Variants in RTN3 observed in about 807,000 individuals in gnomAD.
The protein encoded by RTN3 is reticulon-3.
Under a neutral mutation model 77.8 loss-of-function variants are expected in RTN3, and 49 were observed. The ratio of observed to expected loss-of-function variants is 0.63; its 90% confidence interval spans 0.50 to 0.80. The LOEUF is 0.80. Ranked by LOEUF, RTN3 falls within the 30% of genes least tolerant of loss-of-function variation. The pLI is 0.00. For missense variants in RTN3, 1,236 were observed against 1,211.9 expected, an observed-to-expected ratio of 1.02 and a Z score of -0.29; for synonymous variants, 464 against 446.9, an observed-to-expected ratio of 1.04 and a Z score of -0.48.
At chr11:63,690,952 C>T (rs935430591) in intron 1 of RTN3, among the ~76,000 whole-genome samples, 2 of 152,096 alleles carry the variant, frequency 1.3e-5, no homozygotes, top group African/African-American at 4.8e-5. Context: ...GTACAGCTAT[C>T]TCCACTATCT....
Position 63,749,977 on chromosome 11 carries a change from T to A in RTN3, c.2531-14T>A, listed in dbSNP as rs761418863. On this transcript the variant is annotated splice_polypyrimidine_tract_variant and intron_variant, in intron 3 of 8. Coordinates refer to ENST00000377819, the MANE Select transcript of RTN3 (RefSeq NM_001265589.2). ...GATGTTTCTTATAACTTATATTCCCTTTTCTTTTGTCAGTGCACGATCTGA... is the reference window on the plus strand; with the variant it reads ...GATGTTTCTTATAACTTATATTCCCATTTCTTTTGTCAGTGCACGATCTGA... 1.9e-6 allele frequency: 3 copies of A among 1,601,530 alleles called. No homozygotes were observed. The South Asian group carries it at 3.3e-5, about 18-fold the overall frequency.
chr11:63,696,792 C>G (rs1941967149), intron 1 of RTN3, among the ~76,000 whole-genome samples: 1 of 151,428 alleles, frequency 6.6e-6, no homozygotes, highest in Non-Finnish European at 1.5e-5. Flanking sequence ...GGTGATCCAC[C>G]CTCCTTGGCC....
intron 5 of RTN3, 94 bp downstream of exon 5, chr11:63,752,739 C>A: frequency 7.7e-7 from 1 of 1,306,938 alleles, no homozygotes; most frequent in East Asian, 2.3e-5. Context: ...TTTTATCAGA[C>A]AAAAATGAAC....
At chr11:63,732,284 A>AG (rs2012747327) in intron 3 of RTN3, among the ~76,000 whole-genome samples, 1 of 152,162 alleles carries the variant, frequency 6.6e-6, no homozygotes, top group African/African-American at 2.4e-5. Context: ...TCAGCCAAGT[A>AG]GCTAGGACTA....
chr11:63,712,840 A>G (rs986705587), intron 2 of RTN3, among the ~76,000 whole-genome samples: 8 of 152,182 alleles, frequency 5.3e-5, no homozygotes, highest in African/African-American at 1.9e-4. Context: ...TCACACTTGT[A>G]ATCCCAGCAC....
chr11:63,686,480 A>C (rs1314510082), intron 1 of RTN3, among the ~76,000 whole-genome samples: 5 of 151,506 alleles, frequency 3.3e-5, no homozygotes, highest in Admixed American at 3.3e-4. Flanking sequence ...CAAAAAAAAA[A>C]AAAAAAAAAA....
chr11:63,686,144 A>G (rs138321650), intron 1 of RTN3, among the ~76,000 whole-genome samples: 275 of 152,296 alleles, frequency 1.8e-3, no homozygotes, highest in Admixed American at 5.0e-3. Context: ...CTTTAAAAGT[A>G]CTTTAATAGT....
At chr11:63,692,275 G>A (rs562446063) in intron 1 of RTN3, among the ~76,000 whole-genome samples, 5 of 151,980 alleles carry the variant, frequency 3.3e-5, no homozygotes, top group African/African-American at 9.6e-5. Context: ...CATCAACCTC[G>A]GCCTCCAAAA....
chr11:63,682,018 G>T (rs1007693427), intron 1 of RTN3, among the ~76,000 whole-genome samples: 5 of 152,398 alleles, frequency 3.3e-5, no homozygotes, highest in African/African-American at 1.2e-4. Context: ...ATAGTCCAGT[G>T]GGCGTTAACG....
At chr11:63,706,157 A>T (rs907096416) in intron 2 of RTN3, among the ~76,000 whole-genome samples, 3 of 152,074 alleles carry the variant, frequency 2.0e-5, no homozygotes, top group African/African-American at 7.2e-5. Context: ...CTTAGGAAAC[A>T]TGGTAGGGAA....
intron 1 of RTN3, among the ~76,000 whole-genome samples, chr11:63,683,131 C>T (rs1303263456): frequency 2.6e-5 from 4 of 152,026 alleles, no homozygotes; most frequent in Non-Finnish European, 5.9e-5. Flanking sequence ...AGCTTTGGAG[C>T]CCTGTTGGAT....
At chr11:63,687,787 C>T (rs182606024) in intron 1 of RTN3, among the ~76,000 whole-genome samples, 5 of 152,280 alleles carry the variant, frequency 3.3e-5, no homozygotes, top group African/African-American at 4.8e-5. Context: ...TGTTTGACAT[C>T]CATTTGTAGG....
chr11:63,703,377 A>G (rs960879561), intron 1 of RTN3, among the ~76,000 whole-genome samples: 2 of 152,012 alleles, frequency 1.3e-5, no homozygotes, highest in African/African-American at 2.4e-5. Context: ...AGTGTTTCAT[A>G]GTTTGCATGT....
rs2011722314 is a variant in RTN3, at chr11:63,720,773, G to A, written c.2271G>A (p.Glu757=). 6.2e-7 allele frequency: 1 copy of A among 1,614,160 alleles called. No homozygotes were observed. Among genetic ancestry groups the A allele is most frequent in the Non-Finnish European group, 8.5e-7 (1 of 1,180,032 alleles). ...ALKELGERQV[E]KSTSAQRDAE... ...AAGAATTAGGTGAAAGACAGGTTGA[G>A]AAGTCAACTTCTGCACAGCGTGACG... Residue 757 remains glutamate, a synonymous_variant, in exon 3 of 9, where the codon GAG becomes GAA. Transcript: ENST00000377819.
At chr11:63,689,170 A>C (rs902295899) in intron 1 of RTN3, among the ~76,000 whole-genome samples, 2 of 152,222 alleles carry the variant, frequency 1.3e-5, no homozygotes, top group African/African-American at 4.8e-5. Context: ...TAATTTAGCT[A>C]ATACTCTTTG....
chr11:63,681,827 C>A lies in RTN3; in HGVS notation c.142+49C>A, dbSNP rs768365912. ...CCCTGGGAAAGAGGGCGAGCGGGAG[C>A]CTGGGGGCTGGGGGGATTAGGAGGC... is the stretch of plus-strand genomic sequence containing the variant. On this transcript the variant is annotated intron_variant, in intron 1 of 8. Coordinates refer to ENST00000377819, the MANE Select transcript of RTN3 (RefSeq NM_001265589.2). 4 of 1,487,960 alleles carry A rather than the reference C, an allele frequency of 2.7e-6. No homozygotes were observed. The South Asian group carries it at 5.0e-5, about 19-fold the overall frequency. 92.2% of individuals were successfully genotyped at this position (1,487,960 alleles called of 1,614,324 possible).
At chr11:63,703,937 G>A (rs1040915341) in intron 1 of RTN3, among the ~76,000 whole-genome samples, 5 of 152,112 alleles carry the variant, frequency 3.3e-5, no homozygotes, top group African/African-American at 1.2e-4. Flanking sequence ...ACTGGGAGGA[G>A]AATATGTGCA....
At chr11:63,725,049 T>C (rs916967886) in intron 3 of RTN3, among the ~76,000 whole-genome samples, 1 of 151,980 alleles carries the variant, frequency 6.6e-6, no homozygotes, top group African/African-American at 2.4e-5. Context: ...TAGAATTAAC[T>C]TATGTTAATT....
At chr11:63,713,542 C>CTTG (rs1217044646) in intron 2 of RTN3, among the ~76,000 whole-genome samples, 19 of 152,106 alleles carry the variant, frequency 1.2e-4, no homozygotes, top group Non-Finnish European at 2.6e-4. Context: ...AACTCCTGGG[C>CTTG]TCAAGCTGTC....
Sources: allele counts gnomAD v4.1 joint callset (sites outside exome capture counted in the v4.1 genomes callset), GRCh38; gene constraint gnomAD v4.1.1; transcripts MANE v1.5; gene names NCBI Gene and HGNC (gene_info 2026-07-23, HGNC 2026-07-21).